PIEZO2: variants seen among roughly 807,000 people sequenced by gnomAD.
The protein encoded by PIEZO2 is piezo type mechanosensitive ion channel component 2.
Under a neutral mutation model 337.3 loss-of-function variants are expected in PIEZO2, and 172 were observed. The observed-to-expected ratio is 0.51, with a 90% CI of 0.45 to 0.58. The LOEUF is 0.58. Among genes scored for constraint, PIEZO2 ranks in the 20% least tolerant of loss-of-function variants. PIEZO2 has a pLI of 0.00. For missense variants in PIEZO2, 3,028 were observed against 3,391.3 expected, an observed-to-expected ratio of 0.89 and a Z score of 2.66; for synonymous variants, 1,251 against 1,228.5, an observed-to-expected ratio of 1.02 and a Z score of -0.38.
intron 3 of PIEZO2, among the ~76,000 whole-genome samples, chr18:10,941,067 A>C (rs1416810694): frequency 1.3e-5 from 2 of 152,180 alleles, no homozygotes; most frequent in Non-Finnish European, 2.9e-5. Flanking sequence ...CAATTGTCTC[A>C]AAATTTAAAC....
chr18:10,684,106 CTCTT>C (rs367921282), intron 49 of PIEZO2, among the ~76,000 whole-genome samples: 58 of 45,170 alleles, frequency 1.3e-3, no homozygotes, highest in Middle Eastern at 9.6e-3. Context: ...CTTTCTCTCT[CTCTT>C]TCTTTCTTTC....
chr18:11,055,243 A>AAGGGGCAGGGGC (rs112550000), intron 2 of PIEZO2, among the ~76,000 whole-genome samples: 3 of 147,982 alleles, frequency 2.0e-5, no homozygotes, highest in African/African-American at 7.6e-5. Flanking sequence ...GAATTTCACC[A>AAGGGGCAGGGGC]AGGGGCAGGG....
intron 2 of PIEZO2, among the ~76,000 whole-genome samples, chr18:10,992,598 G>T (rs1052677307): frequency 2.6e-5 from 4 of 152,098 alleles, no homozygotes; most frequent in African/African-American, 9.7e-5. Context: ...TCTCTGTTTT[G>T]GTACCACTGC....
chr18:11,110,250 T>C lies in PIEZO2; in HGVS notation c.64+38275A>G, dbSNP rs2039691026. 6.6e-6 allele frequency among the ~76,000 whole-genome samples: 1 copy of C among 152,222 alleles called. No individual in the cohort carries two copies. ...CTTCCACCTCAGCGTCCCAAAGTGC[T>C]GGGACTACAGGTGCAAGCCTCCTCA... On this transcript the variant is annotated intron_variant, in intron 1 of 55. Transcript: ENST00000674853. The surrounding 1 kb of genome is among the most constrained non-coding windows in gnomAD (Gnocchi z 4.2).
At chr18:10,762,885 G>A (rs1258123376) in intron 22 of PIEZO2, 37 bp downstream of exon 22, 24 of 1,526,530 alleles carry the variant, frequency 1.6e-5, no homozygotes, top group Admixed American at 7.9e-5. Context: ...CTTTGCTAAA[G>A]GGCAGTCAGG....
Position 10,819,582 on chromosome 18 carries a change from G to T in PIEZO2, c.918-12308C>A, listed in dbSNP as rs1275472308. Among the ~76,000 whole-genome samples, 1 of 152,170 alleles carries T rather than the reference G, an allele frequency of 6.6e-6. No homozygotes were observed. The highest frequency in any genetic ancestry group is 1.5e-5 in the Non-Finnish European group (1 of 68,024). ...AAAAATCCAAAGATGAGCAGTTCCA[G>T]GTTAGCTAATTCAATGCACAATTAC... is the stretch of plus-strand genomic sequence containing the variant. On this transcript the variant is annotated intron_variant, in intron 7 of 55. Coordinates refer to ENST00000674853, the MANE Select transcript of PIEZO2 (RefSeq NM_001378183.1). This position sits in a 1 kb window ranked among gnomAD's most constrained non-coding sequence, Gnocchi z 4.3.
rs2039778973 is a variant in PIEZO2, at chr18:11,112,918, C to T, written c.64+35607G>A. 1.3e-5 allele frequency among the ~76,000 whole-genome samples: 2 copies of T among 152,164 alleles called. No individual in the cohort carries two copies. Among genetic ancestry groups the T allele is most frequent in the South Asian group, 4.1e-4 (2 of 4,820 alleles). Reference sequence around the variant, plus strand: ...CTCTGGGCCCATCTAAGACTGCCTCCCAGGGTTTTCTCAGGTTCAAGCTGC... The same window carrying T: ...CTCTGGGCCCATCTAAGACTGCCTCTCAGGGTTTTCTCAGGTTCAAGCTGC... On this transcript the variant is annotated intron_variant, in intron 1 of 55. Transcript: ENST00000674853. This position sits in a 1 kb window ranked among gnomAD's most constrained non-coding sequence, Gnocchi z 4.3.
chr18:10,933,483 T>G (rs1344748351), intron 3 of PIEZO2, among the ~76,000 whole-genome samples: 1 of 152,188 alleles, frequency 6.6e-6, no homozygotes, highest in African/African-American at 2.4e-5. Flanking sequence ...GTCCCTTAAG[T>G]AGTTACTGTG....
chr18:10,710,662 C>T (rs948445041), intron 39 of PIEZO2, among the ~76,000 whole-genome samples: 1 of 152,224 alleles, frequency 6.6e-6, no homozygotes, highest in Non-Finnish European at 1.5e-5. Context: ...ATTCATGCCA[C>T]TGGCCTCGGA....
Position 11,028,362 on chromosome 18 carries a change from G to A in PIEZO2, c.160+37765C>T, listed in dbSNP as rs2036610134. ...TGCAACCTCTGCCTCCCAGGTTCAA[G>A]CAATTATCTTGCCTCAGCCTCCTGA... On this transcript the variant is annotated intron_variant, in intron 2 of 55. Coordinates refer to ENST00000674853, the MANE Select transcript of PIEZO2 (RefSeq NM_001378183.1). The surrounding 1 kb of genome is among the most constrained non-coding windows in gnomAD (Gnocchi z 4.8). Among the ~76,000 whole-genome samples the A allele has an allele frequency of 6.6e-6, 1 of 151,980 alleles. No homozygotes were observed. Among genetic ancestry groups the A allele is most frequent in the Non-Finnish European group, 1.5e-5 (1 of 68,038 alleles).
At chr18:10,991,203 T>C (rs1177465027) in intron 2 of PIEZO2, among the ~76,000 whole-genome samples, 2 of 150,546 alleles carry the variant, frequency 1.3e-5, no homozygotes, top group Admixed American at 6.6e-5. Context: ...CATACATATA[T>C]ACATATATAT....
intron 2 of PIEZO2, among the ~76,000 whole-genome samples, chr18:11,050,779 A>C (rs1414913860): frequency 6.6e-6 from 1 of 151,666 alleles, no homozygotes; most frequent in Non-Finnish European, 1.5e-5. Flanking sequence ...ATGTTGGAAA[A>C]GATCCTAAAA....
intron 1 of PIEZO2, among the ~76,000 whole-genome samples, chr18:11,144,245 T>C (rs2040750711): frequency 6.6e-6 from 1 of 152,224 alleles, no homozygotes; most frequent in Non-Finnish European, 1.5e-5. Flanking sequence ...GTGGATGAAA[T>C]ATTTTATTTT....
At chr18:10,683,753 C>T (rs2034383271) in intron 49 of PIEZO2, among the ~76,000 whole-genome samples, 1 of 152,146 alleles carries the variant, frequency 6.6e-6, no homozygotes, top group Admixed American at 6.5e-5. Context: ...CCTGTCACTC[C>T]AACAGCACCC....
rs140110194 is a variant in PIEZO2, at chr18:10,850,370, T to A, written c.917+4983A>T. On this transcript the variant is annotated intron_variant, in intron 7 of 55. Coordinates refer to ENST00000674853, the MANE Select transcript of PIEZO2 (RefSeq NM_001378183.1). The surrounding 1 kb of genome is among the most constrained non-coding windows in gnomAD (Gnocchi z 4.5). ...AGGGCATCGCAAACCGGTAAGCTAG[T>A]TAACATTATGTTGGCCTAGGACCTG... 5.5e-3 allele frequency among the ~76,000 whole-genome samples: 831 copies of A among 152,336 alleles called. 9 individuals are homozygous for A. The highest frequency in any genetic ancestry group is 0.019 in the African/African-American group (800 of 41,578).
intron 9 of PIEZO2, 103 bp from the exon 10 acceptor site, chr18:10,801,531 A>C: frequency 9.8e-7 from 1 of 1,019,358 alleles, no homozygotes; most frequent in Non-Finnish European, 1.4e-6. Context: ...ATTCTCTTTA[A>C]CTTGCTGATT....
chr18:10,906,354 C>T (rs560931882), intron 4 of PIEZO2, among the ~76,000 whole-genome samples: 6 of 152,150 alleles, frequency 3.9e-5, no homozygotes, highest in African/African-American at 7.2e-5. Flanking sequence ...TAATTAAAAA[C>T]GGGCAAGAGA....
intron 3 of PIEZO2, among the ~76,000 whole-genome samples, chr18:10,972,418 A>T (rs2034278846): frequency 6.6e-6 from 1 of 152,108 alleles, no homozygotes; most frequent in African/African-American, 2.4e-5. Flanking sequence ...GAGGGCCATA[A>T]AATATTCGGA....
chr18:10,809,481 G>A (rs1006504650), intron 7 of PIEZO2, among the ~76,000 whole-genome samples: 1 of 151,494 alleles, frequency 6.6e-6, no homozygotes, highest in East Asian at 1.9e-4. Flanking sequence ...TGTTGGCCAG[G>A]ATGGTCTTGA....
Sources: gnomAD v4.1 joint callset for allele counts (sites outside exome capture counted in the v4.1 genomes callset) on GRCh38, gnomAD v4.1.1 for gene constraint, Gnocchi (gnomAD v3.1) non-coding constraint, MANE v1.5 for transcripts, NCBI Gene and HGNC (gene_info 2026-07-23, HGNC 2026-07-21) for gene names.